The following ADAM19 variants were observed in gnomAD, a reference collection of about 807,000 sequenced individuals.
The protein encoded by ADAM19 is disintegrin and metalloproteinase domain-containing protein 19.
A neutral mutation model predicts 114.7 loss-of-function variants in ADAM19; 65 were observed. The observed-to-expected ratio is 0.57, with a 90% confidence interval of 0.46 to 0.70. The LOEUF (loss-of-function observed/expected upper bound fraction) is 0.70. Among genes scored for constraint, ADAM19 ranks in the 30% least tolerant of loss-of-function variants. The probability of loss-of-function intolerance (pLI) is 0.00; values close to 1 mark genes in which losing one functional copy is unlikely to be tolerated. For synonymous variants in ADAM19, 466 were observed against 460.5 expected (o/e 1.01, Z -0.15); for missense variants, 1,063 against 1,204.7 (o/e 0.88, Z 1.74).
chr5:157,507,183 G>T, intron 9 of ADAM19, 43 bp from the exon 10 acceptor site: 1 of 1,590,442 alleles, frequency 6.3e-7, no homozygotes, highest in South Asian at 1.1e-5. Context: ...ACGAGACTAA[G>T]AGGGCTGTTC....
chr5:157,481,294 G>A, intron 22 of ADAM19: 1 of 572,386 alleles, frequency 1.7e-6, no homozygotes, highest in Non-Finnish European at 3.1e-6. Flanking sequence ...ATACAGCATG[G>A]TCAGCCAGCT....
At chr5:157,526,724 G>A (rs1218839537) in intron 5 of ADAM19, among the ~76,000 whole-genome samples, 1 of 151,410 alleles carries the variant, frequency 6.6e-6, no homozygotes, top group Non-Finnish European at 1.5e-5. Context: ...GGGTTCAAAC[G>A]GTTCTCCTGC....
intron 21 of ADAM19, among the ~76,000 whole-genome samples, chr5:157,485,276 C>T (rs1340699792): frequency 6.6e-6 from 1 of 152,216 alleles, no homozygotes; most frequent in Admixed American, 6.5e-5. Flanking sequence ...TCTAGAGTGA[C>T]TTTCATTTTT....
chr5:157,557,869 G>C (rs1028994312), intron 3 of ADAM19, among the ~76,000 whole-genome samples: 1 of 152,136 alleles, frequency 6.6e-6, no homozygotes, highest in Non-Finnish European at 1.5e-5. Flanking sequence ...TTGGGGACTA[G>C]GACTTCAACA....
chr5:157,510,670 C>T (rs906332990), intron 8 of ADAM19, among the ~76,000 whole-genome samples: 4 of 152,162 alleles, frequency 2.6e-5, no homozygotes, highest in East Asian at 1.9e-4. Flanking sequence ...GTGTGTCTGG[C>T]TTCTCTCACT....
rs952608061 is a variant in ADAM19, at chr5:157,479,214, C to G, written c.*1735G>C. 1 of 985,758 alleles carries G rather than the reference C, an allele frequency of 1.0e-6. No homozygotes were observed. The highest frequency in any genetic ancestry group is 4.7e-5 in the South Asian group (1 of 21,280). 61.1% of individuals were successfully genotyped at this position (985,758 alleles called of 1,614,324 possible). ...CTCATTTTCCTGAGATCTTTCTAAACCCAACCCAGGCTTTTCCCCCAGGGG... is the reference window on the plus strand; with the variant it reads ...CTCATTTTCCTGAGATCTTTCTAAAGCCAACCCAGGCTTTTCCCCCAGGGG... On this transcript the variant is annotated 3_prime_UTR_variant, in exon 23 of 23. Coordinates refer to ENST00000257527, the MANE Select transcript of ADAM19 (RefSeq NM_033274.5).
intron 5 of ADAM19, among the ~76,000 whole-genome samples, chr5:157,522,655 G>A (rs1160800103): frequency 2.0e-5 from 3 of 152,078 alleles, no homozygotes; most frequent in Admixed American, 6.5e-5. Context: ...GCGTACTGGC[G>A]GGTGCCTGTA....
At chr5:157,548,272 T>C (rs1757101669) in intron 3 of ADAM19, among the ~76,000 whole-genome samples, 1 of 152,226 alleles carries the variant, frequency 6.6e-6, no homozygotes, top group Non-Finnish European at 1.5e-5. Context: ...CACATTGTTC[T>C]GTAACTGTTT....
intron 5 of ADAM19, among the ~76,000 whole-genome samples, chr5:157,520,405 T>G (rs936237972): frequency 6.6e-6 from 1 of 152,014 alleles, no homozygotes; most frequent in African/African-American, 2.4e-5. Context: ...TGAAGGATGG[T>G]AGGTCCAGGA....
intron 12 of ADAM19, 95 bp from the exon 13 acceptor site, chr5:157,499,757 T>A: frequency 6.0e-6 from 4 of 671,686 alleles, no homozygotes; most frequent in East Asian, 3.0e-5. Context: ...GAACCCCAGC[T>A]CTCTAGCAAC....
chr5:157,492,973 A>G lies in ADAM19; in HGVS notation c.1908T>C (p.His636=). ...VMTGTKCGYN[H]ICFEGQCRNT... is the part of the protein sequence containing the mutation. Reference sequence around the variant, plus strand: ...TAGGTGAGCAGGGGAGGGGACTCACATGGTTGTAGCCACACTTGGTTCCAG... The same window carrying G: ...TAGGTGAGCAGGGGAGGGGACTCACGTGGTTGTAGCCACACTTGGTTCCAG... Residue 636 remains histidine, a splice_region_variant and synonymous_variant, in exon 16 of 23, where the codon CAT becomes CAC. Coordinates refer to ENST00000257527, the MANE Select transcript of ADAM19 (RefSeq NM_033274.5). 1 of 1,614,114 alleles carries G rather than the reference A, an allele frequency of 6.2e-7. No homozygotes were observed. The highest frequency in any genetic ancestry group is 8.5e-7 in the Non-Finnish European group (1 of 1,180,008).
chr5:157,478,727 TACA>T lies in ADAM19; in HGVS notation c.*2219_*2221del. 2 of 985,818 alleles carry T rather than the reference TACA, an allele frequency of 2.0e-6. No homozygotes were observed. The highest frequency in any genetic ancestry group is 2.4e-6 in the Non-Finnish European group (2 of 829,932). The allele number at this position is 985,818 out of a possible 1,614,324, so 61.1% of individuals were successfully genotyped here. A position where few individuals can be genotyped will look rare whatever the true frequency, so the allele number is the denominator to read the frequency against. On this transcript the variant is annotated 3_prime_UTR_variant, in exon 23 of 23. Coordinates refer to ENST00000257527, the MANE Select transcript of ADAM19 (RefSeq NM_033274.5). Reference sequence around the variant, plus strand: ...CATTCCACCATCTTCCAGTTCACAGTACAACTTTATGGGATGGAGGTGATATGA... The same window carrying T: ...CATTCCACCATCTTCCAGTTCACAGTACTTTATGGGATGGAGGTGATATGA...
At chr5:157,523,149 C>T (rs532126027) in intron 5 of ADAM19, among the ~76,000 whole-genome samples, 1 of 152,240 alleles carries the variant, frequency 6.6e-6, no homozygotes, top group Admixed American at 6.5e-5. Context: ...ACTAGGTAAT[C>T]TGAAGTCAAA....
At chr5:157,541,675 C>A (rs1249842941) in intron 3 of ADAM19, among the ~76,000 whole-genome samples, 1 of 151,978 alleles carries the variant, frequency 6.6e-6, no homozygotes, top group African/African-American at 2.4e-5. Context: ...AAGTACACTG[C>A]AGCCTGAAAA....
chr5:157,493,040 G>A lies in ADAM19; in HGVS notation c.1841C>T (p.Pro614Leu), dbSNP rs1755227122. 2 of 1,614,116 alleles carry A rather than the reference G, an allele frequency of 1.2e-6. No homozygotes were observed. Among genetic ancestry groups the A allele is most frequent in the South Asian group, 2.2e-5 (2 of 91,090 alleles). ...GTCCAGCATGTCACCCTCCTCCTCA[G>A]GACCTCGGTAGACGTGGGTGCCCCG... ...QCRGTHVYRG[P>L]EEEGDMLDPG... Residue 614 changes from proline to leucine, a missense_variant, in exon 16 of 23, where the codon CCT becomes CTT. Physicochemically the swap from Pro to Leu is moderately conservative, Grantham distance 98. Around this residue, in one of 3 missense-constraint regions of ADAM19, gnomAD observed 424 missense variants for 445.5 expected, o/e 0.95. Transcript: ENST00000257527.
At chr5:157,547,653 A>G (rs919120847) in intron 3 of ADAM19, among the ~76,000 whole-genome samples, 13 of 152,226 alleles carry the variant, frequency 8.5e-5, no homozygotes, top group Non-Finnish European at 5.9e-5. Context: ...TTGCCAATGC[A>G]AAATGAATTA....
chr5:157,571,615 T>C (rs1328414334), intron 1 of ADAM19, among the ~76,000 whole-genome samples: 2 of 152,084 alleles, frequency 1.3e-5, no homozygotes, highest in Non-Finnish European at 2.9e-5. Flanking sequence ...ATGATCTGTG[T>C]TAAGTTTAAA....
At chr5:157,518,318 G>A (rs1756154097) in intron 7 of ADAM19, among the ~76,000 whole-genome samples, 1 of 150,572 alleles carries the variant, frequency 6.6e-6, no homozygotes, top group African/African-American at 2.4e-5. Flanking sequence ...AGGTGGGGGA[G>A]GAAGGGGCGG....
chr5:157,574,432 G>A (rs1757915304), intron 1 of ADAM19, among the ~76,000 whole-genome samples: 1 of 151,986 alleles, frequency 6.6e-6, no homozygotes, highest in South Asian at 2.1e-4. Context: ...CAGCTCAAAG[G>A]GCGGTTCCTT....
Sources: allele counts gnomAD v4.1 joint callset (sites outside exome capture counted in the v4.1 genomes callset), GRCh38; gene constraint gnomAD v4.1.1; regional missense constraint gnomAD v4.1.1; transcripts MANE v1.5; gene names NCBI Gene and HGNC (gene_info 2026-07-23, HGNC 2026-07-21).